CWC22: variants seen among roughly 807,000 people sequenced by gnomAD.
The protein encoded by CWC22 is CWC22 spliceosome associated protein.
CWC22 carries 53 observed loss-of-function variants against 117.2 expected under a neutral mutation model. The ratio of observed to expected loss-of-function variants is 0.45; its 90% CI spans 0.36 to 0.57. CWC22 has a LOEUF of 0.57. Ranked by LOEUF, CWC22 falls within the 20% of genes least tolerant of loss-of-function variation. CWC22 has a pLI of 0.00. For synonymous variants in CWC22, 360 were observed against 355.6 expected, an observed-to-expected ratio of 1.01 and a Z score of -0.14; for missense variants, 980 against 1,068.8, an observed-to-expected ratio of 0.92 and a Z score of 1.16.
At chr2:179,998,937 T>C (rs1687777982) in intron 1 of CWC22, among the ~76,000 whole-genome samples, 1 of 152,190 alleles carries the variant, frequency 6.6e-6, no homozygotes, top group Admixed American at 6.5e-5. Flanking sequence ...GTGCATTTTA[T>C]TTCTATTTAA....
chr2:180,002,861 A>G (rs1196302767), intron 1 of CWC22, among the ~76,000 whole-genome samples: 1 of 152,264 alleles, frequency 6.6e-6, no homozygotes, highest in African/African-American at 2.4e-5. Flanking sequence ...AAAACTGAAC[A>G]TGAATAAGAT....
rs1687004690 is a variant in CWC22 at position 179,970,516 on chromosome 2, T to C, written c.1195A>G (p.Lys399Glu). The C allele has an allele frequency of 7.8e-6, 12 of 1,539,062 alleles. No homozygotes were observed. Among genetic ancestry groups the C allele is most frequent in the Non-Finnish European group, 9.7e-6 (11 of 1,137,106 alleles). ...TTTTACATACCTTTCTTAATAGCTT[T>C]GTACTTCTCTTCATTCTCCATAAAA... ...PNFMENEEKY[K>E]AIKKEILDEG... Residue 399 changes from lysine (K) to glutamate (E), a missense_variant, in exon 11 of 20, where the codon AAA (lysine) becomes GAA (glutamate). Physicochemically the swap from Lys to Glu is moderately conservative, Grantham distance 56. Coordinates refer to ENST00000410053, the MANE Select transcript of CWC22 (RefSeq NM_020943.3).
At chr2:179,982,450 G>C (rs770463475) in intron 4 of CWC22, among the ~76,000 whole-genome samples, 2 of 152,122 alleles carry the variant, frequency 1.3e-5, no homozygotes, top group Non-Finnish European at 2.9e-5. Context: ...GTAGGAGAGT[G>C]GCATGAAAAG....
intron 19 of CWC22, among the ~76,000 whole-genome samples, chr2:179,946,477 A>AGGG (rs1559282531): frequency 4.1e-5 from 2 of 48,708 alleles, no homozygotes; most frequent in Non-Finnish European, 8.3e-5. Context: ...GGGGGGGGGA[A>AGGG]GGGGAGGGGA....
Position 179,954,344 on chromosome 2 carries a change from A to T in CWC22, c.1550T>A (p.Leu517Gln). 6.4e-7 allele frequency: 1 copy of T among 1,572,932 alleles called. No homozygotes were observed. Among genetic ancestry groups the T allele is most frequent in the Non-Finnish European group, 8.7e-7 (1 of 1,150,138 alleles). ...AAAGGATTCCATGTACTCTTTCTTT[A>T]GCATGCAAAATCGCTAATAAATAAA... is the stretch of plus-strand genomic sequence containing the variant. ...FGLLAGRFCM[L>Q]KKEYMESFEG... Residue 517 changes from leucine (L) to glutamine (Q), a missense_variant, in exon 16 of 20, where the codon CTA (leucine) becomes CAA (glutamine). Coordinates refer to ENST00000410053, the MANE Select transcript of CWC22 (RefSeq NM_020943.3).
At chr2:179,992,167 G>GT (rs1168972760) in intron 2 of CWC22, among the ~76,000 whole-genome samples, 2 of 152,168 alleles carry the variant, frequency 1.3e-5, no homozygotes, top group African/African-American at 4.8e-5. Flanking sequence ...TAAAAATACA[G>GT]TTCCCCCTTT....
chr2:179,973,798 G>A lies in CWC22; in HGVS notation c.586C>T (p.Leu196=). 6.5e-7 allele frequency: 1 copy of A among 1,541,544 alleles called. No homozygotes were observed. Among genetic ancestry groups the A allele is most frequent in the Non-Finnish European group, 8.7e-7 (1 of 1,144,968 alleles). The change falls in exon 7 of 20, where the codon CTG becomes TTG. Residue 196 remains leucine (L), a synonymous_variant. Transcript: ENST00000410053. ...GCTTGCAAAACAGACCTGGACAGCA[G>A]TCCTCTGTTTAAAAAAGAATTTAAA... is the stretch of plus-strand genomic sequence containing the variant. ...LQENIVRGRG[L]LSRSVLQAQS...
chr2:179,989,666 C>T (rs574857128), intron 2 of CWC22, among the ~76,000 whole-genome samples: 122 of 152,150 alleles, frequency 8.0e-4, no homozygotes, highest in Admixed American at 5.4e-3. Context: ...GAGATGTGAA[C>T]CATCCAGTTT....
At chr2:179,990,208 TAAGA>T (rs1687524836) in intron 2 of CWC22, among the ~76,000 whole-genome samples, 1 of 152,176 alleles carries the variant, frequency 6.6e-6, no homozygotes, top group Admixed American at 6.5e-5. Flanking sequence ...GTATCTAATA[TAAGA>T]AAGTTTTAAA....
intron 17 of CWC22, among the ~76,000 whole-genome samples, chr2:179,952,252 A>G (rs2105508398): frequency 6.6e-6 from 1 of 152,270 alleles, no homozygotes; most frequent in Middle Eastern, 3.4e-3. Context: ...AAGAAAATCT[A>G]AAAAGGCATT....
In CWC22 at chr2:179,986,678, A is replaced by G; in HGVS notation, c.206+17T>C. Reference sequence around the variant, plus strand: ...ACAAATACAATTTTCTACAAGTTAGAAATTCCCAACACTAACCGTGACTCC... The same window carrying G: ...ACAAATACAATTTTCTACAAGTTAGGAATTCCCAACACTAACCGTGACTCC... On this transcript the variant is annotated intron_variant, in intron 4 of 19. Coordinates refer to ENST00000410053, the MANE Select transcript of CWC22 (RefSeq NM_020943.3). 2 of 1,428,940 alleles carry G rather than the reference A, an allele frequency of 1.4e-6. No individual in the cohort carries two copies. The highest frequency in any genetic ancestry group is 1.9e-6 in the Non-Finnish European group (2 of 1,029,670). The allele number at this position is 1,428,940 out of a possible 1,614,324, so 88.5% of individuals were successfully genotyped here. A position where few individuals can be genotyped will look rare whatever the true frequency, so the allele number is the denominator to read the frequency against.
intron 14 of CWC22, among the ~76,000 whole-genome samples, chr2:179,956,406 T>C (rs1397105415): frequency 6.6e-6 from 1 of 151,500 alleles, no homozygotes; most frequent in African/African-American, 2.4e-5. Context: ...AAAAGCCACA[T>C]GTGACTAGCG....
At chr2:179,953,331 T>C (rs1030069209) in intron 16 of CWC22, among the ~76,000 whole-genome samples, 21 of 152,154 alleles carry the variant, frequency 1.4e-4, no homozygotes, top group African/African-American at 4.6e-4. Context: ...TGCCTCATTC[T>C]ACCATTAGTA....
chr2:179,995,092 TG>T (rs1344058558), intron 1 of CWC22, among the ~76,000 whole-genome samples: 1 of 152,200 alleles, frequency 6.6e-6, no homozygotes, highest in East Asian at 1.9e-4. Context: ...CACTCCAGCC[TG>T]GGCAACAGAG....
intron 13 of CWC22, 40 bp from the exon 14 acceptor site, chr2:179,959,122 A>T: frequency 8.4e-7 from 1 of 1,197,530 alleles, no homozygotes; most frequent in Non-Finnish European, 1.2e-6. Flanking sequence ...CTTGCAACAT[A>T]GACTGTACAC....
intron 1 of CWC22, among the ~76,000 whole-genome samples, chr2:179,994,783 G>A (rs781444247): frequency 2.6e-5 from 4 of 152,094 alleles, no homozygotes; most frequent in Non-Finnish European, 4.4e-5. Flanking sequence ...AGTTATTATT[G>A]CAGTTGTTTA....
At chr2:179,991,129 G>A (rs892999237) in intron 2 of CWC22, among the ~76,000 whole-genome samples, 3 of 152,292 alleles carry the variant, frequency 2.0e-5, no homozygotes, top group African/African-American at 7.2e-5. Context: ...GTGACATCAT[G>A]TAGTAACTCA....
chr2:179,948,829 T>TA (rs1466776391), intron 19 of CWC22, among the ~76,000 whole-genome samples: 1 of 152,050 alleles, frequency 6.6e-6, no homozygotes, highest in Non-Finnish European at 1.5e-5. Context: ...AATCCTGAAA[T>TA]AAGAAAAACG....
chr2:179,959,120 A>G (rs962629636), intron 13 of CWC22, 38 bp from the exon 14 acceptor site: 3 of 1,252,670 alleles, frequency 2.4e-6, no homozygotes, highest in South Asian at 1.3e-5. Flanking sequence ...AGCTTGCAAC[A>G]TAGACTGTAC....
Sources: allele counts gnomAD v4.1 joint callset (sites outside exome capture counted in the v4.1 genomes callset), GRCh38; gene constraint gnomAD v4.1.1; transcripts MANE v1.5; gene names NCBI Gene and HGNC (gene_info 2026-07-23, HGNC 2026-07-21).